Variants in ADCY2 observed in about 807,000 individuals in gnomAD.
The protein encoded by ADCY2 is adenylate cyclase type 2.
ADCY2 carries 31 observed loss-of-function variants against 125.2 expected under a neutral mutation model. The observed-to-expected ratio is 0.25, with a 90% CI of 0.19 to 0.33. The LOEUF is 0.33. ADCY2 is among the 10% of genes least tolerant of loss of function. ADCY2 has a pLI of 1.00. For synonymous variants in ADCY2, 512 were observed against 548.4 expected, an observed-to-expected ratio of 0.93 and a Z score of 0.93; for missense variants, 904 against 1,418.2, an observed-to-expected ratio of 0.64 and a Z score of 5.82.
chr5:7,496,376 C>A (rs1489071361), intron 2 of ADCY2, among the ~76,000 whole-genome samples: 1 of 152,092 alleles, frequency 6.6e-6, no homozygotes, highest in African/African-American at 2.4e-5. Context: ...GCTCTTAATT[C>A]TGTTGGGTAA....
chr5:7,402,090 C>T (rs1739286318), intron 1 of ADCY2, among the ~76,000 whole-genome samples: 2 of 152,230 alleles, frequency 1.3e-5, no homozygotes, highest in South Asian at 4.1e-4. Context: ...CCCTTAAATA[C>T]TGGTGACTGC....
At chr5:7,755,587 G>A (rs1353150725) in intron 15 of ADCY2, among the ~76,000 whole-genome samples, 4 of 152,098 alleles carry the variant, frequency 2.6e-5, no homozygotes, top group Middle Eastern at 3.2e-3. Flanking sequence ...TCTCTAACTC[G>A]TTTAAACCTC....
intron 3 of ADCY2, among the ~76,000 whole-genome samples, chr5:7,531,743 G>T (rs1734652041): frequency 6.6e-6 from 1 of 152,100 alleles, no homozygotes; most frequent in African/African-American, 2.4e-5. Flanking sequence ...ATGATTCATT[G>T]TATTTAGGGG....
intron 4 of ADCY2, among the ~76,000 whole-genome samples, chr5:7,658,742 C>A (rs1739429061): frequency 6.6e-6 from 1 of 152,146 alleles, no homozygotes; most frequent in Non-Finnish European, 1.5e-5. Flanking sequence ...TTGGTTCACA[C>A]AATTATAGGG....
chr5:7,469,378 T>G (rs1742248433), intron 2 of ADCY2, among the ~76,000 whole-genome samples: 2 of 152,028 alleles, frequency 1.3e-5, no homozygotes. Context: ...ATGATAATCT[T>G]AATAATATTC....
chr5:7,403,128 T>C (rs769994605), intron 1 of ADCY2, among the ~76,000 whole-genome samples: 1 of 152,166 alleles, frequency 6.6e-6, no homozygotes, highest in Non-Finnish European at 1.5e-5. Context: ...TGTGTGTATA[T>C]GTGCGTGTGT....
intron 11 of ADCY2, among the ~76,000 whole-genome samples, chr5:7,714,489 C>T (rs1409647582): frequency 6.6e-6 from 1 of 152,220 alleles, no homozygotes; most frequent in Non-Finnish European, 1.5e-5. Flanking sequence ...TTGGTCTCTG[C>T]AGCGTTACTG....
intron 4 of ADCY2, among the ~76,000 whole-genome samples, chr5:7,653,254 G>C (rs1739159626): frequency 6.6e-6 from 1 of 152,182 alleles, no homozygotes; most frequent in South Asian, 2.1e-4. Context: ...AGGCAGTGTG[G>C]ACTCGAGCCG....
intron 2 of ADCY2, among the ~76,000 whole-genome samples, chr5:7,424,955 C>A (rs965975758): frequency 6.6e-6 from 1 of 152,164 alleles, no homozygotes; most frequent in African/African-American, 2.4e-5. Flanking sequence ...AAAACCTCAT[C>A]AGGTGCAAAG....
chr5:7,554,058 T>C lies in ADCY2; in HGVS notation c.570+33159T>C, dbSNP rs1735430815. ...GTGAAAATCAGCCATTCAAGCATCTTGTGTCTTTAAAAAAAGGGCATTGGA... is the reference window on the plus strand; with the variant it reads ...GTGAAAATCAGCCATTCAAGCATCTCGTGTCTTTAAAAAAAGGGCATTGGA... On this transcript the variant is annotated intron_variant, in intron 3 of 24. Transcript: ENST00000338316. 1.3e-5 allele frequency among the ~76,000 whole-genome samples: 2 copies of C among 152,128 alleles called. 1 individual carries two copies. Among genetic ancestry groups the C allele is most frequent in the Non-Finnish European group, 2.9e-5 (2 of 68,034 alleles).
chr5:7,463,079 C>T, intron 2 of ADCY2, among the ~76,000 whole-genome samples: 1 of 152,140 alleles, frequency 6.6e-6, no homozygotes, highest in East Asian at 1.9e-4. Flanking sequence ...TTTGAATTGG[C>T]TGATGTTTTC....
At chr5:7,474,676 C>T (rs867013935) in intron 2 of ADCY2, among the ~76,000 whole-genome samples, 4 of 152,112 alleles carry the variant, frequency 2.6e-5, no homozygotes, top group African/African-American at 7.2e-5. Flanking sequence ...AAGACAGGGG[C>T]GGCAGAGCCA....
intron 1 of ADCY2, among the ~76,000 whole-genome samples, chr5:7,413,618 G>A (rs1373601534): frequency 6.7e-6 from 1 of 149,758 alleles, no homozygotes; most frequent in African/African-American, 2.5e-5. Context: ...TTTAATAGAA[G>A]TGTCTGTGGA....
At chr5:7,634,674 C>G (rs1235759433) in intron 4 of ADCY2, among the ~76,000 whole-genome samples, 3 of 152,044 alleles carry the variant, frequency 2.0e-5, no homozygotes, top group East Asian at 3.9e-4. Context: ...TGCAGAAAAG[C>G]CCTCTTGTCC....
intron 3 of ADCY2, among the ~76,000 whole-genome samples, chr5:7,589,225 T>A (rs1736732214): frequency 6.6e-6 from 1 of 152,044 alleles, no homozygotes; most frequent in African/African-American, 2.4e-5. Context: ...TGCTACTGTC[T>A]GATTTTTTAA....
In ADCY2 at chr5:7,482,791, T is replaced by TATATATATATAC. The variant is rs1443104319; in HGVS notation, c.409-37946_409-37945insTATATATATACA. On this transcript the variant is annotated intron_variant, in intron 2 of 24. Transcript: ENST00000338316. ...TGATATATATATATATATATATATA[T>TATATATATATAC]ACACACACACATACATATATACATA... is the stretch of plus-strand genomic sequence containing the variant. Among the ~76,000 whole-genome samples the TATATATATATAC allele has an allele frequency of 3.0e-4, 42 of 139,832 alleles. 1 individual carries two copies. The highest frequency in any genetic ancestry group is 1.3e-3 in the Admixed American group (18 of 13,712). 91.7% of individuals were successfully genotyped at this position (139,832 alleles called of 152,430 possible).
At chr5:7,770,933 G>T (rs1258345486) in intron 17 of ADCY2, among the ~76,000 whole-genome samples, 1 of 152,124 alleles carries the variant, frequency 6.6e-6, no homozygotes, top group African/African-American at 2.4e-5. Context: ...GAACTAAAAA[G>T]GAAGCCATAT....
chr5:7,690,777 G>A lies in ADCY2; in HGVS notation c.807G>A (p.Ala269=), dbSNP rs777382356. 1.2e-5 allele frequency: 20 copies of A among 1,610,138 alleles called. No individual in the cohort carries two copies. Among genetic ancestry groups the A allele is most frequent in the East Asian group, 9.0e-5 (4 of 44,412 alleles). ...EIIQRLQGPK[A]GQMENTNNFH... ...TCCAGAGGCTGCAGGGCCCCAAGGC[G>A]GGCCAGATGGAGAACACAAATAACT... The change falls in exon 5 of 25, where the codon GCG becomes GCA. Residue 269 remains alanine, a synonymous_variant. Coordinates refer to ENST00000338316, the MANE Select transcript of ADCY2 (RefSeq NM_020546.3).
intron 4 of ADCY2, among the ~76,000 whole-genome samples, chr5:7,659,945 T>C (rs536479908): frequency 4.6e-5 from 7 of 152,132 alleles, no homozygotes; most frequent in Non-Finnish European, 8.8e-5. Flanking sequence ...GAACACCAAG[T>C]ACAATATATT....
Sources: gnomAD v4.1 joint callset for allele counts (sites outside exome capture counted in the v4.1 genomes callset) on GRCh38, gnomAD v4.1.1 for gene constraint, MANE v1.5 for transcripts, NCBI Gene and HGNC (gene_info 2026-07-23, HGNC 2026-07-21) for gene names.